PRKN: variants seen among roughly 807,000 people sequenced by gnomAD.
PRKN encodes parkin RBR E3 ubiquitin protein ligase.
PRKN carries 56 observed loss-of-function variants against 59.5 expected under a neutral mutation model. That is an observed-to-expected ratio of 0.94 (90% CI 0.76 to 1.18). PRKN has a LOEUF of 1.18. Ranked by LOEUF, PRKN falls within the 50% of genes most tolerant of loss-of-function variation. PRKN has a pLI of 0.00. For synonymous variants in PRKN, 250 were observed against 222.1 expected, an observed-to-expected ratio of 1.13 and a Z score of -1.12; for missense variants, 657 against 596.4, an observed-to-expected ratio of 1.10 and a Z score of -1.06.
At chr6:162,350,600 C>T (rs1171037973) in intron 2 of PRKN, among the ~76,000 whole-genome samples, 2 of 152,166 alleles carry the variant, frequency 1.3e-5, no homozygotes, top group Admixed American at 1.3e-4. Flanking sequence ...AAATACCATA[C>T]TGTAGCAATT....
At chr6:162,602,620 G>T (rs964731911) in intron 1 of PRKN, among the ~76,000 whole-genome samples, 1 of 152,190 alleles carries the variant, frequency 6.6e-6, no homozygotes, top group Non-Finnish European at 1.5e-5. Flanking sequence ...TCCATTGTAG[G>T]TATCTGGGTT....
At chr6:162,705,398 T>C (rs1227655443) in intron 1 of PRKN, among the ~76,000 whole-genome samples, 2 of 152,172 alleles carry the variant, frequency 1.3e-5, no homozygotes, top group Admixed American at 6.5e-5. Flanking sequence ...TCCTACTCTT[T>C]CCATCAATAT....
rs1257591015 is a variant in PRKN at position 161,379,004 on chromosome 6, C to T, written c.1167+7790G>A. On this transcript the variant is annotated intron_variant, in intron 10 of 11. Coordinates refer to ENST00000366898, the MANE Select transcript of PRKN (RefSeq NM_004562.3). This position sits in a 1 kb window ranked among gnomAD's most constrained non-coding sequence, Gnocchi z 4.9. ...CAGAGAACACAGCAAGAGTTCTGGT[C>T]ACTTTATGTTGCATTGCCAAGGGAT... 6.6e-6 allele frequency among the ~76,000 whole-genome samples: 1 copy of T among 152,152 alleles called. No individual in the cohort carries two copies. Among genetic ancestry groups the T allele is most frequent in the Non-Finnish European group, 1.5e-5 (1 of 68,038 alleles).
intron 10 of PRKN, among the ~76,000 whole-genome samples, chr6:161,374,040 T>C (rs1785548690): frequency 2.0e-5 from 3 of 152,198 alleles, no homozygotes; most frequent in African/African-American, 7.2e-5. Context: ...TCCTTAAGGG[T>C]TTAGCGCCAT....
intron 3 of PRKN, among the ~76,000 whole-genome samples, chr6:162,227,812 T>C (rs1411970755): frequency 6.6e-6 from 1 of 152,010 alleles, no homozygotes; most frequent in East Asian, 1.9e-4. Context: ...CTAGTGTCCA[T>C]ACAGAAAACG....
intron 2 of PRKN, among the ~76,000 whole-genome samples, chr6:162,434,259 C>T (rs1034227040): frequency 1.3e-5 from 2 of 152,156 alleles, no homozygotes; most frequent in Admixed American, 6.5e-5. Flanking sequence ...ACTATACTGA[C>T]ACCAACTTTA....
chr6:161,600,484 G>C (rs900690889), intron 7 of PRKN, among the ~76,000 whole-genome samples: 2 of 152,186 alleles, frequency 1.3e-5, no homozygotes, highest in African/African-American at 4.8e-5. Flanking sequence ...CTTTAGGTAA[G>C]AGATAATTTG....
rs1016328425 is a variant in PRKN, at chr6:162,321,075, T to C, written c.172-58310A>G. On this transcript the variant is annotated intron_variant, in intron 2 of 11. Coordinates refer to ENST00000366898, the MANE Select transcript of PRKN (RefSeq NM_004562.3). ...AAACAGAACAATAGGAAAAAGACCA[T>C]GAAACCACAACTTTGTTCTTTTTGT... 3.3e-5 allele frequency among the ~76,000 whole-genome samples: 5 copies of C among 151,918 alleles called. No homozygotes were observed. The East Asian group carries it at 9.7e-4, about 29-fold the overall frequency.
intron 6 of PRKN, among the ~76,000 whole-genome samples, chr6:161,962,681 T>C (rs1346463037): frequency 2.0e-5 from 3 of 151,766 alleles, no homozygotes; most frequent in African/African-American, 7.3e-5. Flanking sequence ...GGATTACAGG[T>C]GCACACCACC....
chr6:162,349,434 T>C lies in PRKN; in HGVS notation c.172-86669A>G, dbSNP rs369517115. Among the ~76,000 whole-genome samples the C allele has an allele frequency of 2.0e-4, 30 of 152,192 alleles. No homozygotes were observed. The South Asian group carries it at 6.2e-3, about 32-fold the overall frequency. On this transcript the variant is annotated intron_variant, in intron 2 of 11. Coordinates refer to ENST00000366898, the MANE Select transcript of PRKN (RefSeq NM_004562.3). ...GTGAGCTGAGATCGCGCCACTGCAC[T>C]CCAACCTGGGCAAGAGAGTGAAATT...
intron 2 of PRKN, among the ~76,000 whole-genome samples, chr6:162,366,389 G>T (rs897855617): frequency 6.6e-6 from 1 of 151,938 alleles, no homozygotes; most frequent in Admixed American, 6.6e-5. Context: ...ATTATATGTG[G>T]CATAATAAGA....
At position 161,488,326 on chromosome 6, in the gene PRKN, G is replaced by T. The variant is rs546003434; in HGVS notation, c.1083+60528C>A. On this transcript the variant is annotated intron_variant, in intron 9 of 11. Coordinates refer to ENST00000366898, the MANE Select transcript of PRKN (RefSeq NM_004562.3). The surrounding 1 kb of genome is among the most constrained non-coding windows in gnomAD (Gnocchi z 4.5). ...GAAAGTGATCGGGCCGAGGACAGAA[G>T]GCCAGGTCACATAGGTCTTTGTAGT... Among the ~76,000 whole-genome samples the T allele has an allele frequency of 6.6e-6, 1 of 152,182 alleles. No individual in the cohort carries two copies. The highest frequency in any genetic ancestry group is 1.5e-5 in the Non-Finnish European group (1 of 68,040).
In PRKN at chr6:162,188,067, T is replaced by A. The variant is rs184642186; in HGVS notation, c.534+13064A>T. ...ATCTGATCATTTTAAAAAGAGGAGT[T>A]CCCTGCAAACTCTCTTTTTGCCTGC... is the stretch of plus-strand genomic sequence containing the variant. On this transcript the variant is annotated intron_variant, in intron 4 of 11. Transcript: ENST00000366898. 3.3e-5 allele frequency among the ~76,000 whole-genome samples: 5 copies of A among 152,138 alleles called. 1 individual carries two copies. In the East Asian group the frequency reaches 9.7e-4, roughly 29 times the overall value.
chr6:162,259,687 A>G (rs909592347), intron 3 of PRKN, among the ~76,000 whole-genome samples: 1 of 152,240 alleles, frequency 6.6e-6, no homozygotes, highest in Non-Finnish European at 1.5e-5. Context: ...TTCTCTGTAT[A>G]ATTTTAAATA....
intron 6 of PRKN, among the ~76,000 whole-genome samples, chr6:161,807,826 C>A (rs1459528081): frequency 6.6e-6 from 1 of 152,206 alleles, no homozygotes; most frequent in Non-Finnish European, 1.5e-5. Flanking sequence ...ATCTTCATAA[C>A]ATCTGCAAGG....
At chr6:162,241,485 G>C (rs1778988586) in intron 3 of PRKN, among the ~76,000 whole-genome samples, 1 of 152,026 alleles carries the variant, frequency 6.6e-6, no homozygotes, top group South Asian at 2.1e-4. Context: ...TAGAGAGGTT[G>C]TGATTGAGAA....
chr6:161,939,271 G>T lies in PRKN; in HGVS notation c.734+34031C>A, dbSNP rs539701166. On this transcript the variant is annotated intron_variant, in intron 6 of 11. Transcript: ENST00000366898. ...TGTCTCTACTAAAAGTACAAAAAAT[G>T]GCCGGATGTGGTGGTGCATGCCCAT... Among the ~76,000 whole-genome samples, 14 of 151,406 alleles carry T rather than the reference G, an allele frequency of 9.2e-5. No homozygotes were observed. The South Asian group carries it at 2.3e-3, about 25-fold the overall frequency.
chr6:162,298,143 C>T (rs1781766002), intron 2 of PRKN, among the ~76,000 whole-genome samples: 2 of 151,618 alleles, frequency 1.3e-5, no homozygotes, highest in Admixed American at 1.3e-4. Context: ...GGGGAGGTAC[C>T]AGGAGGTCAA....
Position 161,680,781 on chromosome 6 carries a change from T to TTTTTGTTTTTG in PRKN, c.871+104990_871+104991insCAAAAACAAAA, listed in dbSNP as rs1554292302. On this transcript the variant is annotated intron_variant, in intron 7 of 11. Coordinates refer to ENST00000366898, the MANE Select transcript of PRKN (RefSeq NM_004562.3). ...TATATATATATATATATATATTTTT[T>TTTTTGTTTTTG]TTTTTTTTTCTTTTCCTAAAACAAC... 1.4e-3 allele frequency among the ~76,000 whole-genome samples: 130 copies of TTTTTGTTTTTG among 93,730 alleles called. 2 individuals are homozygous for TTTTTGTTTTTG. The highest frequency in any genetic ancestry group is 5.4e-3 in the East Asian group (15 of 2,766). 61.5% of individuals were successfully genotyped at this position (93,730 alleles called of 152,430 possible).
Sources: allele counts gnomAD v4.1 joint callset (sites outside exome capture counted in the v4.1 genomes callset), GRCh38; gene constraint gnomAD v4.1.1; non-coding constraint Gnocchi (gnomAD v3.1); transcripts MANE v1.5; gene names NCBI Gene and HGNC (gene_info 2026-07-23, HGNC 2026-07-21).